STARD3NL: variants seen among roughly 807,000 people sequenced by gnomAD.
STARD3NL encodes STARD3 N-terminal like.
A neutral mutation model predicts 30.9 loss-of-function variants in STARD3NL; 17 were observed. That is an observed-to-expected ratio of 0.55 (90% CI 0.38 to 0.82). STARD3NL has a LOEUF of 0.82. Among genes scored for constraint, STARD3NL ranks in the 40% least tolerant of loss-of-function variants. The pLI is 0.00. For synonymous variants in STARD3NL, 112 were observed against 100.5 expected, an observed-to-expected ratio of 1.11 and a Z score of -0.69; for missense variants, 234 against 277.6, an observed-to-expected ratio of 0.84 and a Z score of 1.12.
intron 1 of STARD3NL, among the ~76,000 whole-genome samples, chr7:38,202,846 A>G (rs564014239): frequency 0.014 from 2,088 of 150,858 alleles, 18 homozygotes; most frequent in Middle Eastern, 0.027. Flanking sequence ...TCCTTGTGAT[A>G]GTTTGCTGAG....
intron 1 of STARD3NL, among the ~76,000 whole-genome samples, chr7:38,192,367 C>T (rs991596302): frequency 6.6e-6 from 1 of 152,138 alleles, no homozygotes; most frequent in African/African-American, 2.4e-5. Flanking sequence ...GGTCTGTGTA[C>T]ACTCTTCTTT....
intron 1 of STARD3NL, among the ~76,000 whole-genome samples, chr7:38,205,198 G>C (rs1785393244): frequency 1.3e-5 from 2 of 152,160 alleles, no homozygotes; most frequent in South Asian, 4.1e-4. Flanking sequence ...GAGAATTTTA[G>C]ACCAATATCC....
chr7:38,218,464 C>T lies in STARD3NL; in HGVS notation c.554-1101C>T, dbSNP rs1786251413. ...TATCTTGGAGAAGTTATAAGTAAAG[C>T]TAATGAAAGTCTTTTTTAATTGTAT... On this transcript the variant is annotated intron_variant, in intron 6 of 8. Transcript: ENST00000009041. Among the ~76,000 whole-genome samples, 2 of 152,080 alleles carry T rather than the reference C, an allele frequency of 1.3e-5. 1 individual carries two copies. Among genetic ancestry groups the T allele is most frequent in the South Asian group, 4.1e-4 (2 of 4,828 alleles).
At chr7:38,197,136 T>TTTTCTTTCTTTCTTTC (rs56319128) in intron 1 of STARD3NL, among the ~76,000 whole-genome samples, 15,456 of 111,814 alleles carry the variant, frequency 0.14, 1,488 homozygotes, top group Middle Eastern at 0.16. Flanking sequence ...GCATTACCTT[T>TTTTCTTTCTTTCTTTC]TTTCTTTCTT....
chr7:38,186,465 C>G (rs766351176), intron 1 of STARD3NL, among the ~76,000 whole-genome samples: 1 of 152,128 alleles, frequency 6.6e-6, no homozygotes, highest in South Asian at 2.1e-4. Flanking sequence ...ACAAATAGCT[C>G]TATGACCTGG....
intron 2 of STARD3NL, among the ~76,000 whole-genome samples, chr7:38,209,521 T>C (rs1453195865): frequency 6.6e-6 from 1 of 152,152 alleles, no homozygotes; most frequent in Non-Finnish European, 1.5e-5. Flanking sequence ...CCTGACTTCA[T>C]GATCTGCCTG....
chr7:38,205,641 C>T (rs1785420104), intron 1 of STARD3NL, among the ~76,000 whole-genome samples: 1 of 150,686 alleles, frequency 6.6e-6, no homozygotes, highest in Non-Finnish European at 1.5e-5. Flanking sequence ...ATATAATATA[C>T]ACTATTCAGT....
intron 7 of STARD3NL, 101 bp downstream of exon 7, chr7:38,219,761 C>A: frequency 2.2e-6 from 2 of 920,232 alleles, no homozygotes; most frequent in African/African-American, 1.6e-5. Flanking sequence ...ACTTAGCTAA[C>A]ATCTAACATG....
intron 1 of STARD3NL, among the ~76,000 whole-genome samples, chr7:38,199,602 G>A (rs941574403): frequency 2.6e-5 from 4 of 152,152 alleles, no homozygotes; most frequent in African/African-American, 9.7e-5. Flanking sequence ...GGAGCTTGGG[G>A]GAAATGCATC....
chr7:38,191,538 G>A (rs1346345921), intron 1 of STARD3NL, among the ~76,000 whole-genome samples: 2 of 152,074 alleles, frequency 1.3e-5, no homozygotes, highest in East Asian at 3.8e-4. Flanking sequence ...GTTTAGGTCT[G>A]TAAATCGTCT....
chr7:38,185,656 G>A (rs1003220745), intron 1 of STARD3NL, among the ~76,000 whole-genome samples: 1 of 152,130 alleles, frequency 6.6e-6, no homozygotes, highest in Non-Finnish European at 1.5e-5. Context: ...CATTCCTGAG[G>A]AGTTTTATGT....
At chr7:38,178,875 A>AAG (rs1784131840) in intron 1 of STARD3NL, among the ~76,000 whole-genome samples, 1 of 151,728 alleles carries the variant, frequency 6.6e-6, no homozygotes. Flanking sequence ...AAAAAAAAAA[A>AAG]AAAGAAAGAA....
At chr7:38,197,717 C>T (rs930851097) in intron 1 of STARD3NL, among the ~76,000 whole-genome samples, 13 of 152,266 alleles carry the variant, frequency 8.5e-5, no homozygotes, top group South Asian at 4.1e-4. Flanking sequence ...ATGACGGTGA[C>T]GCTGTCTTGC....
chr7:38,186,359 A>G lies in STARD3NL; in HGVS notation c.-59+7939A>G, dbSNP rs117141686. On this transcript the variant is annotated intron_variant, in intron 1 of 8. Transcript: ENST00000009041. ...AGATTTTGTTATGAGGGACCAAGGA[A>G]AAGTTCTGGAAAAAGATAGTCAACA... is the stretch of plus-strand genomic sequence containing the variant. 4.3e-3 allele frequency among the ~76,000 whole-genome samples: 655 copies of G among 152,320 alleles called. 6 individuals are homozygous for G. Among genetic ancestry groups the G allele is most frequent in the Middle Eastern group, 0.014 (4 of 294 alleles).
chr7:38,204,062 A>G (rs1283287899), intron 1 of STARD3NL, among the ~76,000 whole-genome samples: 1 of 152,222 alleles, frequency 6.6e-6, no homozygotes, highest in African/African-American at 2.4e-5. Context: ...CACTGTCAAC[A>G]TTAGACAGAT....
intron 1 of STARD3NL, among the ~76,000 whole-genome samples, chr7:38,190,198 A>G (rs543954556): frequency 6.6e-6 from 1 of 152,318 alleles, no homozygotes; most frequent in Admixed American, 6.5e-5. Context: ...CAAAGGGGTG[A>G]TTCATGTTCT....
intron 7 of STARD3NL, among the ~76,000 whole-genome samples, chr7:38,225,684 CT>C (rs1439430389): frequency 6.7e-6 from 1 of 148,354 alleles, no homozygotes; most frequent in African/African-American, 2.5e-5. Context: ...TTTAATTCTG[CT>C]TTCTTAAGGT....
intron 1 of STARD3NL, among the ~76,000 whole-genome samples, chr7:38,181,194 A>G (rs1018753356): frequency 1.3e-5 from 2 of 152,104 alleles, no homozygotes; most frequent in East Asian, 3.8e-4. Context: ...TTTTGTTTTA[A>G]TTTTAGAAAT....
chr7:38,201,369 A>G (rs749473866), intron 1 of STARD3NL, among the ~76,000 whole-genome samples: 147 of 152,322 alleles, frequency 9.7e-4, no homozygotes, highest in Non-Finnish European at 1.4e-3. Flanking sequence ...ATTTTGAAAT[A>G]TATTTCACAT....
Sources: allele counts gnomAD v4.1 joint callset (sites outside exome capture counted in the v4.1 genomes callset), GRCh38; gene constraint gnomAD v4.1.1; transcripts MANE v1.5; gene names NCBI Gene and HGNC (gene_info 2026-07-23, HGNC 2026-07-21).